The following PIAS1 variants were observed in gnomAD, a reference collection of about 807,000 sequenced individuals.
The protein encoded by PIAS1 is protein inhibitor of activated STAT 1.
In PIAS1, 6 loss-of-function variants were observed where a neutral mutation model predicts 71.3. The observed-to-expected ratio is 0.08, with a 90% CI of 0.05 to 0.17. The LOEUF (loss-of-function observed/expected upper bound fraction) is 0.17, where lower values mean the gene tolerates loss of function less well. Among genes scored for constraint, PIAS1 ranks in the 10% least tolerant of loss-of-function variants. The pLI is 1.00. For missense variants in PIAS1, 555 were observed against 793.6 expected (o/e 0.70, Z 3.61); for synonymous variants, 303 against 292.9 (o/e 1.03, Z -0.35).
intron 2 of PIAS1, among the ~76,000 whole-genome samples, chr15:68,105,277 G>C (rs988111492): frequency 2.6e-5 from 4 of 152,022 alleles, no homozygotes; most frequent in Non-Finnish European, 4.4e-5. Context: ...AGTTTTTCTA[G>C]AATTTATCTA....
intron 2 of PIAS1, among the ~76,000 whole-genome samples, chr15:68,093,904 C>T (rs2092353191): frequency 1.3e-5 from 2 of 152,066 alleles, no homozygotes; most frequent in Admixed American, 1.3e-4. Flanking sequence ...CTCCTAAATT[C>T]TGAAAGTATT....
chr15:68,187,691 C>CAATGGAAGCAGTAGTGGCAGT lies in PIAS1; in HGVS notation c.1815_1835dup (p.Gly606_Asn612dup). On this transcript the variant is annotated inframe_insertion, in exon 14 of 14. Transcript: ENST00000249636. This position sits in a 1 kb window ranked among gnomAD's most constrained non-coding sequence, Gnocchi z 5.3. ...GAGGCAGTACTTCTCTGCCAACCAC[C>CAATGGAAGCAGTAGTGGCAGT]AATGGAAGCAGTAGTGGCAGTAACA... is the stretch of plus-strand genomic sequence containing the variant. 6.2e-7 allele frequency: 1 copy of CAATGGAAGCAGTAGTGGCAGT among 1,613,970 alleles called. No individual in the cohort carries two copies. The highest frequency in any genetic ancestry group is 8.5e-7 in the Non-Finnish European group (1 of 1,179,872).
At chr15:68,075,878 G>A (rs911358634) in intron 1 of PIAS1, among the ~76,000 whole-genome samples, 1 of 151,870 alleles carries the variant, frequency 6.6e-6, no homozygotes, top group African/African-American at 2.4e-5. Context: ...GCCCCCCGGG[G>A]TTCAAGTGCT....
At position 68,054,422 on chromosome 15, in the gene PIAS1, G is replaced by C. The variant is rs1404861717; in HGVS notation, c.24+72G>C. 3 of 1,485,438 alleles carry C rather than the reference G, an allele frequency of 2.0e-6. No homozygotes were observed. The African/African-American group carries it at 4.2e-5, about 21-fold the overall frequency. The allele number at this position is 1,485,438 out of a possible 1,614,324, so 92.0% of individuals were successfully genotyped here. On this transcript the variant is annotated intron_variant, in intron 1 of 13. Transcript: ENST00000249636. This position sits in a 1 kb window ranked among gnomAD's most constrained non-coding sequence, Gnocchi z 4.6. ...GCGCCGCTGCTGCCAGGGGGGATGG[G>C]TCCGACCCTGGGGGGCCTCTCGGGC...
intron 2 of PIAS1, among the ~76,000 whole-genome samples, chr15:68,119,637 A>G (rs894994862): frequency 1.3e-5 from 2 of 152,196 alleles, no homozygotes; most frequent in Non-Finnish European, 2.9e-5. Context: ...AAAAATACAC[A>G]TTCTGCTGTT....
At chr15:68,087,262 A>C (rs1392329623) in intron 2 of PIAS1, among the ~76,000 whole-genome samples, 1 of 152,190 alleles carries the variant, frequency 6.6e-6, no homozygotes, top group Non-Finnish European at 1.5e-5. Context: ...AGGCATGCAC[A>C]TGCACATGCA....
chr15:68,170,453 C>T (rs942666408), intron 8 of PIAS1, among the ~76,000 whole-genome samples: 1 of 152,036 alleles, frequency 6.6e-6, no homozygotes, highest in African/African-American at 2.4e-5. Context: ...AAATGGTACA[C>T]CTGTATGGGG....
At chr15:68,110,997 T>C (rs2092519067) in intron 2 of PIAS1, among the ~76,000 whole-genome samples, 1 of 152,190 alleles carries the variant, frequency 6.6e-6, no homozygotes, top group African/African-American at 2.4e-5. Flanking sequence ...GGCTGTGTGC[T>C]TTTTTCTCTC....
At chr15:68,143,660 T>A (rs1445976436) in intron 4 of PIAS1, among the ~76,000 whole-genome samples, 1 of 152,152 alleles carries the variant, frequency 6.6e-6, no homozygotes, top group Non-Finnish European at 1.5e-5. Context: ...TATGTATTGC[T>A]GTAGTCTTCT....
intron 1 of PIAS1, among the ~76,000 whole-genome samples, chr15:68,063,557 AGG>A (rs1203310529): frequency 1.3e-5 from 2 of 152,294 alleles, no homozygotes; most frequent in Admixed American, 1.3e-4. Flanking sequence ...GCTGTGTATG[AGG>A]TACCAGGTTA....
At chr15:68,147,755 A>G (rs537485881) in intron 6 of PIAS1, among the ~76,000 whole-genome samples, 5 of 152,012 alleles carry the variant, frequency 3.3e-5, no homozygotes, top group Non-Finnish European at 7.4e-5. Flanking sequence ...GTGAGGTAAA[A>G]ATTGCTTTCT....
intron 6 of PIAS1, among the ~76,000 whole-genome samples, chr15:68,151,331 T>TAGTG (rs2092842418): frequency 1.3e-5 from 2 of 152,100 alleles, no homozygotes; most frequent in African/African-American, 4.8e-5. Flanking sequence ...TGAGCATACC[T>TAGTG]TTTCACTGAA....
intron 7 of PIAS1, among the ~76,000 whole-genome samples, chr15:68,155,685 T>C (rs2092884174): frequency 6.6e-6 from 1 of 152,214 alleles, no homozygotes. Flanking sequence ...ATTTAGACTT[T>C]TCACAGAGAA....
chr15:68,072,426 A>G (rs911868322), intron 1 of PIAS1, among the ~76,000 whole-genome samples: 4 of 150,472 alleles, frequency 2.7e-5, no homozygotes, highest in Non-Finnish European at 5.9e-5. Flanking sequence ...AAAAAAAAAA[A>G]AAGAGTTATG....
intron 2 of PIAS1, among the ~76,000 whole-genome samples, chr15:68,097,327 A>G (rs2092384164): frequency 6.6e-6 from 1 of 152,162 alleles, no homozygotes; most frequent in East Asian, 1.9e-4. Context: ...TAAGAAAAGC[A>G]TCTTGTCTTT....
At chr15:68,102,159 T>C (rs962037118) in intron 2 of PIAS1, among the ~76,000 whole-genome samples, 2 of 152,216 alleles carry the variant, frequency 1.3e-5, no homozygotes, top group African/African-American at 2.4e-5. Flanking sequence ...AGGTGTGAGA[T>C]TGAGATTGAG....
At chr15:68,124,237 A>G (rs11071981) in intron 2 of PIAS1, among the ~76,000 whole-genome samples, 32,032 of 152,124 alleles carry the variant, frequency 0.21, 4,968 homozygotes, top group East Asian at 0.67. Flanking sequence ...TCAACTACTG[A>G]TGGCTATAAC....
rs137871793 is a variant in PIAS1 at position 68,097,155 on chromosome 15, A to T, written c.469+10405A>T. On this transcript the variant is annotated intron_variant, in intron 2 of 13. Coordinates refer to ENST00000249636, the MANE Select transcript of PIAS1 (RefSeq NM_016166.3). Reference sequence around the variant, plus strand: ...AAATGTCTTTTCTACATCCATTCAGATGATCATGTAGTTTTTTTCATTCTG... The same window carrying T: ...AAATGTCTTTTCTACATCCATTCAGTTGATCATGTAGTTTTTTTCATTCTG... 5.0e-3 allele frequency among the ~76,000 whole-genome samples: 758 copies of T among 152,246 alleles called. 9 individuals are homozygous for T. The highest frequency in any genetic ancestry group is 0.018 in the African/African-American group (732 of 41,530).
Position 68,190,959 on chromosome 15 carries a change from AC to A in PIAS1, c.*3125del, listed in dbSNP as rs1291587355. 1 of 152,216 alleles carries A rather than the reference AC, an allele frequency of 6.6e-6. No individual in the cohort carries two copies. The highest frequency in any genetic ancestry group is 6.5e-5 in the Admixed American group (1 of 15,280). 9.4% of individuals were successfully genotyped at this position (152,216 alleles called of 1,614,324 possible). A position where few individuals can be genotyped will look rare whatever the true frequency, so the allele number is the denominator to read the frequency against. ...TGAAATGGAGTGAAAATATATCCTA[AC>A]TAAATTAATGTGGAAAGAGCATTTT... On this transcript the variant is annotated 3_prime_UTR_variant, in exon 14 of 14. Coordinates refer to ENST00000249636, the MANE Select transcript of PIAS1 (RefSeq NM_016166.3). The surrounding 1 kb of genome is among the most constrained non-coding windows in gnomAD (Gnocchi z 4.7).
Sources: allele counts gnomAD v4.1 joint callset (sites outside exome capture counted in the v4.1 genomes callset), GRCh38; gene constraint gnomAD v4.1.1; non-coding constraint Gnocchi (gnomAD v3.1); transcripts MANE v1.5; gene names NCBI Gene and HGNC (gene_info 2026-07-23, HGNC 2026-07-21).